The following COL14A1 variants were observed in gnomAD, a reference collection of about 807,000 sequenced individuals.
The protein encoded by COL14A1 is collagen alpha-1(XIV) chain.
Under a neutral mutation model 230.3 loss-of-function variants are expected in COL14A1, and 136 were observed. The observed-to-expected ratio is 0.59, with a 90% CI of 0.51 to 0.68. The LOEUF is 0.68. Ranked by LOEUF, COL14A1 falls within the 30% of genes least tolerant of loss-of-function variation. The pLI is 0.00. For synonymous variants in COL14A1, 792 were observed against 784.1 expected, an observed-to-expected ratio of 1.01 and a Z score of -0.17; for missense variants, 1,976 against 2,215.8, an observed-to-expected ratio of 0.89 and a Z score of 2.17.
intron 47 of COL14A1, chr8:120,370,784 C>T: frequency 7.3e-7 from 1 of 1,374,626 alleles, no homozygotes; most frequent in South Asian, 1.2e-5. Flanking sequence ...CCCTTCCTCC[C>T]CTGATCACCT....
At chr8:120,340,464 A>G (rs1171076669) in intron 42 of COL14A1, among the ~76,000 whole-genome samples, 1 of 152,202 alleles carries the variant, frequency 6.6e-6, no homozygotes, top group Non-Finnish European at 1.5e-5. Flanking sequence ...GACCTGTTTG[A>G]AATAACAACT....
intron 23 of COL14A1, among the ~76,000 whole-genome samples, chr8:120,260,731 C>T (rs756678363): frequency 9.9e-5 from 15 of 152,206 alleles, no homozygotes; most frequent in Non-Finnish European, 1.3e-4. Context: ...TCTGTGCCTA[C>T]GAGGAAAACA....
At chr8:120,184,088 G>C (rs917079583) in intron 5 of COL14A1, among the ~76,000 whole-genome samples, 1 of 152,080 alleles carries the variant, frequency 6.6e-6, no homozygotes, top group Admixed American at 6.6e-5. Context: ...AGATGAAAAT[G>C]ATGTATGCAG....
At chr8:120,299,703 G>A (rs189982626) in intron 35 of COL14A1, among the ~76,000 whole-genome samples, 1 of 152,210 alleles carries the variant, frequency 6.6e-6, no homozygotes, top group East Asian at 1.9e-4. Flanking sequence ...GGCCAGATGT[G>A]TTTATAGGGG....
At chr8:120,167,131 A>C (rs1170224161) in intron 4 of COL14A1, among the ~76,000 whole-genome samples, 1 of 152,094 alleles carries the variant, frequency 6.6e-6, no homozygotes, top group African/African-American at 2.4e-5. Context: ...GTTTCTAAGA[A>C]AAGGAATAAT....
chr8:120,237,011 T>C (rs552321860), intron 19 of COL14A1, among the ~76,000 whole-genome samples: 2 of 152,330 alleles, frequency 1.3e-5, no homozygotes, highest in East Asian at 3.9e-4. Flanking sequence ...GGGCTTCCCT[T>C]TGTGGGTAGC....
chr8:120,162,539 G>A lies in COL14A1; in HGVS notation c.319G>A (p.Glu107Lys), dbSNP rs368330743. 2.3e-4 allele frequency: 368 copies of A among 1,608,008 alleles called. 1 individual carries two copies. The highest frequency in any genetic ancestry group is 1.1e-3 in the South Asian group (95 of 89,384). Residue 107 changes from glutamate (E) to lysine (K), a missense_variant, in exon 4 of 48, where the codon GAA becomes AAA. Glu to Lys is a moderately conservative substitution (Grantham distance 56). Transcript: ENST00000297848. ...VQIIAYNKDK[E>K]SKPAQGQFRI... ...AATTATTGCATACAATAAAGATAAAGAAAGCAAGCCAGCTCAAGGCCAATT... is the reference window on the plus strand; with the variant it reads ...AATTATTGCATACAATAAAGATAAAAAAAGCAAGCCAGCTCAAGGCCAATT...
intron 40 of COL14A1, among the ~76,000 whole-genome samples, chr8:120,328,543 T>G (rs1821763331): frequency 6.6e-6 from 1 of 152,116 alleles, no homozygotes. Flanking sequence ...CAGCCTCCAC[T>G]TTTGATTTGA....
At chr8:120,236,233 T>G (rs1818439509) in intron 19 of COL14A1, among the ~76,000 whole-genome samples, 1 of 152,190 alleles carries the variant, frequency 6.6e-6, no homozygotes, top group Non-Finnish European at 1.5e-5. Flanking sequence ...TTTCCTACTA[T>G]TATTGTGTGG....
chr8:120,295,729 G>A (rs907781017), intron 34 of COL14A1, among the ~76,000 whole-genome samples: 1 of 151,638 alleles, frequency 6.6e-6, no homozygotes, highest in Non-Finnish European at 1.5e-5. Context: ...CTATGTTCCA[G>A]GTACTGTTCT....
chr8:120,221,505 C>T (rs533315964), intron 14 of COL14A1, among the ~76,000 whole-genome samples: 4 of 151,986 alleles, frequency 2.6e-5, no homozygotes, highest in African/African-American at 9.7e-5. Flanking sequence ...ATAGTCTATT[C>T]AGCATCAAAT....
At chr8:120,311,823 G>A (rs1289166311) in intron 37 of COL14A1, among the ~76,000 whole-genome samples, 2 of 152,050 alleles carry the variant, frequency 1.3e-5, no homozygotes, top group Non-Finnish European at 2.9e-5. Flanking sequence ...TCAGCCAGGC[G>A]CGGTGGATCA....
At chr8:120,218,501 G>T (rs540252499) in intron 14 of COL14A1, among the ~76,000 whole-genome samples, 1 of 151,976 alleles carries the variant, frequency 6.6e-6, no homozygotes, top group East Asian at 1.9e-4. Flanking sequence ...GTAGAGACAG[G>T]GTTTCACCAT....
intron 5 of COL14A1, among the ~76,000 whole-genome samples, chr8:120,182,809 C>T (rs1156551250): frequency 6.7e-6 from 1 of 150,192 alleles, no homozygotes; most frequent in Non-Finnish European, 1.5e-5. Context: ...TCACTGCAAC[C>T]TTCGCCCCTG....
In COL14A1 at chr8:120,208,325, ACTG is replaced by A; in HGVS notation, c.1288_1290del (p.Ala430del). 2 of 1,613,700 alleles carry A rather than the reference ACTG, an allele frequency of 1.2e-6. No individual in the cohort carries two copies. Among genetic ancestry groups the A allele is most frequent in the Non-Finnish European group, 1.7e-6 (2 of 1,179,798 alleles). On this transcript the variant is annotated inframe_deletion, in exon 11 of 48. Coordinates refer to ENST00000297848, the MANE Select transcript of COL14A1 (RefSeq NM_021110.4). ...AGCAGTCTTTGCAATCTATGCCCAC[ACTG>A]CTAGTGAAGGCCTACGGGGAACTGA...
intron 19 of COL14A1, among the ~76,000 whole-genome samples, chr8:120,241,684 G>A (rs1361680178): frequency 1.3e-5 from 2 of 151,182 alleles, no homozygotes; most frequent in Admixed American, 1.3e-4. Context: ...TACCCAAGAG[G>A]AGATGGTTTT....
At chr8:120,324,334 A>ATG (rs951367459) in intron 40 of COL14A1, among the ~76,000 whole-genome samples, 2 of 152,094 alleles carry the variant, frequency 1.3e-5, no homozygotes, top group African/African-American at 4.8e-5. Context: ...TACATTTTTA[A>ATG]TGTGTGTGTG....
Position 120,203,806 on chromosome 8 carries a change from A to G in COL14A1, c.975A>G (p.Thr325=). The G allele has an allele frequency of 1.2e-6, 2 of 1,613,978 alleles. No homozygotes were observed. Among genetic ancestry groups the G allele is most frequent in the Non-Finnish European group, 1.7e-6 (2 of 1,179,918 alleles). Residue 325 remains threonine (T), a synonymous_variant, in exon 9 of 48, where the codon ACA becomes ACG. Coordinates refer to ENST00000297848, the MANE Select transcript of COL14A1 (RefSeq NM_021110.4). ...YNVAEFDLMH[T]VVESLTRTLC... The stretch of plus-strand genomic sequence containing the variant: ...TTGCCGAATTCGATCTGATGCACAC[A>G]GTTGTGGAGAGTCTGACCAGGACTC...
chr8:120,207,124 T>A, intron 10 of COL14A1, 30 bp downstream of exon 10: 1 of 1,575,900 alleles, frequency 6.3e-7, no homozygotes, highest in East Asian at 2.3e-5. Context: ...TTCAAACCAT[T>A]CTTTTTATTC....
Sources: gnomAD v4.1 joint callset for allele counts (sites outside exome capture counted in the v4.1 genomes callset) on GRCh38, gnomAD v4.1.1 for gene constraint, MANE v1.5 for transcripts, NCBI Gene and HGNC (gene_info 2026-07-23, HGNC 2026-07-21) for gene names.